The following SKI variants were observed in gnomAD, a reference collection of about 807,000 sequenced individuals.
SKI encodes SKI proto-oncogene.
A neutral mutation model predicts 59.3 loss-of-function variants in SKI; 23 were observed. The ratio of observed to expected loss-of-function variants is 0.39; its 90% CI spans 0.28 to 0.55. SKI has a LOEUF of 0.55. SKI is among the 20% of genes least tolerant of loss of function. The probability of loss-of-function intolerance (pLI) is 0.67; values close to 1 mark genes in which losing one functional copy is unlikely to be tolerated. For missense variants in SKI, 1,017 were observed against 1,038.9 expected (o/e 0.98, Z 0.29); for synonymous variants, 673 against 488.6 (o/e 1.38, Z -4.98).
In SKI at chr1:2,303,629, T is replaced by A; in HGVS notation, c.1212-211T>A. On this transcript the variant is annotated intron_variant, in intron 3 of 6. Transcript: ENST00000378536. This position sits in a 1 kb window ranked among gnomAD's most constrained non-coding sequence, Gnocchi z 5.6. ...GGAGCCCTGTCTGCTGGGCGCAGCT[T>A]CTTGATGTGTTGGCCTGTGTCTGGC... 1.4e-6 allele frequency: 1 copy of A among 726,032 alleles called. No individual in the cohort carries two copies. The highest frequency in any genetic ancestry group is 2.3e-6 in the Non-Finnish European group (1 of 442,040). 45.0% of individuals were successfully genotyped at this position (726,032 alleles called of 1,614,324 possible).
At chr1:2,274,893 G>T (rs1370673171) in intron 1 of SKI, among the ~76,000 whole-genome samples, 1 of 152,190 alleles carries the variant, frequency 6.6e-6, no homozygotes, top group Non-Finnish European at 1.5e-5. Flanking sequence ...CTCAGCAGAG[G>T]GGACAAGACC....
chr1:2,303,886 G>A lies in SKI; in HGVS notation c.1258G>A (p.Ala420Thr), dbSNP rs771862077. The change falls in exon 4 of 7, where the codon GCC becomes ACC. Residue 420 changes from alanine to threonine, a missense_variant. By Grantham distance (58) the Ala-to-Thr change is moderately conservative. Coordinates refer to ENST00000378536, the MANE Select transcript of SKI (RefSeq NM_003036.4). This position sits in a 1 kb window ranked among gnomAD's most constrained non-coding sequence, Gnocchi z 5.6. ...SFETAVAPNV[A>T]LAPPAQQKVV... ...TGAGACAGCCGTGGCGCCCAACGTG[G>A]CCCTCGCACCGCCGGCCCAGCAGAA... The A allele has an allele frequency of 2.3e-4, 368 of 1,612,272 alleles. 1 individual carries two copies. Among genetic ancestry groups the A allele is most frequent in the Non-Finnish European group, 2.9e-4 (347 of 1,179,806 alleles).
chr1:2,243,818 C>T (rs1016559270), intron 1 of SKI, among the ~76,000 whole-genome samples: 4 of 152,148 alleles, frequency 2.6e-5, no homozygotes, highest in African/African-American at 4.8e-5. Flanking sequence ...ACACGCAATA[C>T]ACATCTCTAT....
chr1:2,288,137 T>C lies in SKI; in HGVS notation c.970-14841T>C, dbSNP rs557046312. On this transcript the variant is annotated intron_variant, in intron 1 of 6. Coordinates refer to ENST00000378536, the MANE Select transcript of SKI (RefSeq NM_003036.4). ...CCAAGTAGCTGGGATCACAGGCGTG[T>C]GCCACCACGCCTGGCTAATTTTTGT... Among the ~76,000 whole-genome samples the C allele has an allele frequency of 1.5e-4, 23 of 152,244 alleles. No homozygotes were observed. In the South Asian group the frequency reaches 4.8e-3, roughly 32 times the overall value.
rs546148366 is a variant in SKI, at chr1:2,266,692, G to A, written c.970-36286G>A. 3.9e-5 allele frequency among the ~76,000 whole-genome samples: 6 copies of A among 152,266 alleles called. No homozygotes were observed. In the East Asian group the frequency reaches 1.2e-3, roughly 29 times the overall value. ...TTGGCTGCAGGCGGGCCCTGGCATCGCAGTCCATGAGTGACCTCCAGCTTC... is the reference window on the plus strand; with the variant it reads ...TTGGCTGCAGGCGGGCCCTGGCATCACAGTCCATGAGTGACCTCCAGCTTC... On this transcript the variant is annotated intron_variant, in intron 1 of 6. Transcript: ENST00000378536.
At chr1:2,252,045 C>G (rs1180445022) in intron 1 of SKI, among the ~76,000 whole-genome samples, 1 of 152,168 alleles carries the variant, frequency 6.6e-6, no homozygotes, top group East Asian at 1.9e-4. Flanking sequence ...GTGCTCTGCA[C>G]ACCTGTGGGG....
At chr1:2,232,208 C>T (rs1298902456) in intron 1 of SKI, among the ~76,000 whole-genome samples, 1 of 152,244 alleles carries the variant, frequency 6.6e-6, no homozygotes, top group Non-Finnish European at 1.5e-5. Context: ...TTTTGATCTG[C>T]CGAAGATGAG....
chr1:2,283,308 GCCTGT>G (rs1455088014), intron 1 of SKI, among the ~76,000 whole-genome samples: 2 of 152,212 alleles, frequency 1.3e-5, no homozygotes, highest in African/African-American at 4.8e-5. Context: ...CTGGCCCAGG[GCCTGT>G]CCAGGTCCTT....
intron 1 of SKI, among the ~76,000 whole-genome samples, chr1:2,276,802 C>T (rs540430662): frequency 3.9e-5 from 6 of 152,272 alleles, no homozygotes; most frequent in African/African-American, 9.6e-5. Flanking sequence ...TTAGGAACCC[C>T]GATGAAGAGC....
intron 1 of SKI, among the ~76,000 whole-genome samples, chr1:2,296,724 G>A (rs1161240572): frequency 6.6e-6 from 1 of 152,000 alleles, no homozygotes; most frequent in African/African-American, 2.4e-5. Context: ...AAGACGTCGT[G>A]ATTGTTTTCT....
Position 2,229,094 on chromosome 1 carries a change from A to C in SKI, c.328A>C (p.Ile110Leu). The change falls in exon 1 of 7, where the codon ATC becomes CTC. Residue 110 changes from isoleucine to leucine, a missense_variant. Transcript: ENST00000378536. This position sits in a 1 kb window ranked among gnomAD's most constrained non-coding sequence, Gnocchi z 6.3. ...CGAGACCGTACTGGAAGGCGAGACCATCTCGTGCTTCGTGGTGGGAGGCGA... is the reference window on the plus strand; with the variant it reads ...CGAGACCGTACTGGAAGGCGAGACCCTCTCGTGCTTCGTGGTGGGAGGCGA... ...RCETVLEGET[I>L]SCFVVGGEKR... 6.2e-7 allele frequency: 1 copy of C among 1,609,534 alleles called. No homozygotes were observed.
At chr1:2,236,038 T>TA (rs1167249467) in intron 1 of SKI, among the ~76,000 whole-genome samples, 2 of 152,362 alleles carry the variant, frequency 1.3e-5, no homozygotes, top group East Asian at 3.9e-4. Context: ...TCTCTGATTT[T>TA]ACCTTTTTGA....
intron 1 of SKI, among the ~76,000 whole-genome samples, chr1:2,238,629 C>T (rs115134325): frequency 5.7e-4 from 87 of 152,328 alleles, no homozygotes; most frequent in Admixed American, 9.8e-4. Flanking sequence ...CTGGTCCAGG[C>T]GGGAGAGGAG....
rs1640609417 is a variant in SKI, at chr1:2,307,050, C to T, written c.*285C>T. 1 of 246,744 alleles carries T rather than the reference C, an allele frequency of 4.1e-6. No homozygotes were observed. The allele number at this position is 246,744 out of a possible 1,614,324, so 15.3% of individuals were successfully genotyped here. On this transcript the variant is annotated 3_prime_UTR_variant, in exon 7 of 7. Coordinates refer to ENST00000378536, the MANE Select transcript of SKI (RefSeq NM_003036.4). ...TTGCTGGAACATTCTAACATTTACA[C>T]TTTTGTTATAAGCTATTTAAAACCA...
chr1:2,245,507 C>G (rs936642186), intron 1 of SKI, among the ~76,000 whole-genome samples: 2 of 152,212 alleles, frequency 1.3e-5, no homozygotes, highest in Admixed American at 6.5e-5. Flanking sequence ...GCATCTTGCT[C>G]TGTTGCCCAG....
In SKI at chr1:2,304,418, G is replaced by A. The variant is rs1163185307; in HGVS notation, c.1600G>A (p.Ala534Thr). 2.6e-6 allele frequency: 4 copies of A among 1,555,192 alleles called. No individual in the cohort carries two copies. The highest frequency in any genetic ancestry group is 1.2e-5 in the South Asian group (1 of 84,432). ...AVPDAAAPAD[A>T]PSGLEAELEH... Reference sequence around the variant, plus strand: ...CCCTGATGCTGCGGCCCCTGCCGACGCCCCCAGTGGGCTGGAGGCGGAGCT... The same window carrying A: ...CCCTGATGCTGCGGCCCCTGCCGACACCCCCAGTGGGCTGGAGGCGGAGCT... Residue 534 changes from alanine to threonine, a missense_variant, in exon 5 of 7, where the codon GCC (alanine) becomes ACC (threonine). Physicochemically the swap from Ala to Thr is moderately conservative, Grantham distance 58. Transcript: ENST00000378536.
chr1:2,298,187 A>C (rs193005116), intron 1 of SKI, among the ~76,000 whole-genome samples: 292 of 152,296 alleles, frequency 1.9e-3, no homozygotes, highest in Non-Finnish European at 3.0e-3. Flanking sequence ...TGTCTGTTTC[A>C]GCTGGATACA....
chr1:2,228,729 CGCGGGA>C lies in SKI; in HGVS notation c.-27_-22del, dbSNP rs748049703. On this transcript the variant is annotated 5_prime_UTR_variant, in exon 1 of 7. Transcript: ENST00000378536. ...GGCGGGGGCCGGGGGGGCCCGGGCG[CGCGGGA>C]GCGGGAGCGGCCGGGGGAGCCGGAG... 2.9e-6 allele frequency: 3 copies of C among 1,034,104 alleles called. No homozygotes were observed. Among genetic ancestry groups the C allele is most frequent in the Admixed American group, 5.8e-5 (1 of 17,366 alleles). 64.1% of individuals were successfully genotyped at this position (1,034,104 alleles called of 1,614,324 possible).
chr1:2,289,769 C>G (rs1640122936), intron 1 of SKI, among the ~76,000 whole-genome samples: 1 of 152,176 alleles, frequency 6.6e-6, no homozygotes, highest in African/African-American at 2.4e-5. Context: ...GTTGACGTCC[C>G]TGATGAGGTT....
Sources: allele counts gnomAD v4.1 joint callset (sites outside exome capture counted in the v4.1 genomes callset), GRCh38; gene constraint gnomAD v4.1.1; non-coding constraint Gnocchi (gnomAD v3.1); transcripts MANE v1.5; gene names NCBI Gene and HGNC (gene_info 2026-07-23, HGNC 2026-07-21).